Variants in TRA2B observed in about 807,000 individuals in gnomAD.
TRA2B encodes the protein transformer 2 beta homolog, also known as transformer-2 protein homolog beta.
Under a neutral mutation model 41.7 loss-of-function variants are expected in TRA2B, and 14 were observed. The observed-to-expected ratio is 0.34, with a 90% CI of 0.22 to 0.53. TRA2B has a LOEUF of 0.53. TRA2B is among the 20% of genes least tolerant of loss of function. The probability of loss-of-function intolerance (pLI) is 0.95; values close to 1 mark genes in which losing one functional copy is unlikely to be tolerated. For missense variants in TRA2B, 167 were observed against 396.8 expected (o/e 0.42, Z 4.92); for synonymous variants, 130 against 128.8 (o/e 1.01, Z -0.06).
chr3:185,937,968 C>T lies in TRA2B; in HGVS notation c.-108G>A, dbSNP rs1488904472. ...AGCCCCGCACGACGCGCCGGTCGCC[C>T]AGCCGCTCAGAGCCGAAATGCTCCG... On this transcript the variant is annotated 5_prime_UTR_variant, in exon 1 of 9. Transcript: ENST00000453386. The T allele has an allele frequency of 1.4e-6, 2 of 1,387,504 alleles. No homozygotes were observed. Among genetic ancestry groups the T allele is most frequent in the Admixed American group, 1.9e-5 (1 of 53,554 alleles). 85.9% of individuals were successfully genotyped at this position (1,387,504 alleles called of 1,614,324 possible).
At chr3:185,937,449 C>T in intron 1 of TRA2B, 1 of 1,043,040 alleles carries the variant, frequency 9.6e-7, no homozygotes, top group Non-Finnish European at 1.2e-6. Flanking sequence ...GGCAGCTCGC[C>T]CAGCCCGCCA....
intron 2 of TRA2B, 106 bp downstream of exon 2, chr3:185,926,494 TA>T (rs1743958703): frequency 6.9e-7 from 1 of 1,451,938 alleles, no homozygotes; most frequent in Non-Finnish European, 9.4e-7. Context: ...TACCAATATT[TA>T]ATAGGCCAAC....
At position 185,920,688 on chromosome 3, in the gene TRA2B, C is replaced by T. The variant is rs773004284; in HGVS notation, c.722+416G>A. Among the ~76,000 whole-genome samples the T allele has an allele frequency of 2.1e-4, 32 of 152,076 alleles. 1 individual carries two copies. The highest frequency in any genetic ancestry group is 1.5e-3 in the South Asian group (7 of 4,824). ...ACCTGCCAGTAGCTGGGACTACAGG[C>T]GTGCACCACCACAACCGGCTAAATT... On this transcript the variant is annotated intron_variant, in intron 6 of 8. Transcript: ENST00000453386.
chr3:185,916,928 A>G lies in TRA2B; in HGVS notation c.*787T>C, dbSNP rs1246005023. 2 of 152,660 alleles carry G rather than the reference A, an allele frequency of 1.3e-5. No individual in the cohort carries two copies. Among genetic ancestry groups the G allele is most frequent in the African/African-American group, 2.4e-5 (1 of 41,468 alleles). The allele number at this position is 152,660 out of a possible 1,614,324, so 9.5% of individuals were successfully genotyped here. ...ACTTTGAAGCACCCGGTTTTTTCAT[A>G]TAGTCTAAAAGCTAGAAGAACAAGA... On this transcript the variant is annotated 3_prime_UTR_variant, in exon 9 of 9. Transcript: ENST00000453386.
chr3:185,914,860 G>C lies in TRA2B; in HGVS notation c.*2855C>G, dbSNP rs1266273022. ...CCAAATCTTTTTATTTCTTCTCGGT[G>C]AAACTTCTAATTCTCAATTTCTCCT... On this transcript the variant is annotated 3_prime_UTR_variant, in exon 9 of 9. Transcript: ENST00000453386. Among the ~76,000 whole-genome samples the C allele has an allele frequency of 6.6e-6, 1 of 152,072 alleles. No homozygotes were observed. The highest frequency in any genetic ancestry group is 1.5e-5 in the Non-Finnish European group (1 of 68,024).
chr3:185,915,173 G>C lies in TRA2B; in HGVS notation c.*2542C>G, dbSNP rs1316417049. On this transcript the variant is annotated 3_prime_UTR_variant, in exon 9 of 9. Coordinates refer to ENST00000453386, the MANE Select transcript of TRA2B (RefSeq NM_004593.3). ...AGGAGATCGGAAACCCCTGCTCCCA[G>C]GTCTACAAATCTTTTGACACAGCCT... Among the ~76,000 whole-genome samples the C allele has an allele frequency of 6.6e-6, 1 of 152,112 alleles. No homozygotes were observed. The highest frequency in any genetic ancestry group is 1.5e-5 in the Non-Finnish European group (1 of 68,014).
In TRA2B at chr3:185,926,715, C is replaced by T; in HGVS notation, c.56G>A (p.Arg19Lys). ...YGERESRSAS[R>K]SGSAHGSGKS... Reference sequence around the variant, plus strand: ...CCCCGATCCGTGAGCACTTCCACTTCTGGAAGCAGAACGGGATTCCTACAC... The same window carrying T: ...CCCCGATCCGTGAGCACTTCCACTTTTGGAAGCAGAACGGGATTCCTACAC... The change falls in exon 2 of 9, where the codon AGA (arginine) becomes AAA (lysine). Residue 19 changes from arginine to lysine, a missense_variant. Transcript: ENST00000453386. The T allele has an allele frequency of 6.2e-7, 1 of 1,614,090 alleles. No homozygotes were observed. Among genetic ancestry groups the T allele is most frequent in the South Asian group, 1.1e-5 (1 of 91,078 alleles).
Position 185,937,919 on chromosome 3 carries a change from C to T in TRA2B, c.-59G>A, listed in dbSNP as rs1403890074. 6.2e-7 allele frequency: 1 copy of T among 1,607,466 alleles called. No individual in the cohort carries two copies. Among genetic ancestry groups the T allele is most frequent in the Non-Finnish European group, 8.5e-7 (1 of 1,176,584 alleles). On this transcript the variant is annotated 5_prime_UTR_variant, in exon 1 of 9. It adds an upstream start codon to the 5' untranslated region. Transcript: ENST00000453386. ...CAATCGAAGCTGCCAACCTCTTGCA[C>T]CTTCCTTAAGGAGGCTCCGCCGCAG...
chr3:185,918,725 T>C (rs1260002422), intron 7 of TRA2B, among the ~76,000 whole-genome samples: 1 of 152,168 alleles, frequency 6.6e-6, no homozygotes, highest in Admixed American at 6.5e-5. Context: ...AGAAAATTCC[T>C]GGCTGGGTGC....
At chr3:185,929,832 C>A (rs1247873261) in intron 1 of TRA2B, among the ~76,000 whole-genome samples, 1 of 152,166 alleles carries the variant, frequency 6.6e-6, no homozygotes, top group Non-Finnish European at 1.5e-5. Flanking sequence ...ACTTAGTCAA[C>A]CTCAGAAGTT....
intron 4 of TRA2B, 72 bp downstream of exon 4, chr3:185,923,724 A>G: frequency 2.1e-6 from 3 of 1,400,236 alleles, no homozygotes; most frequent in Non-Finnish European, 2.9e-6. Context: ...TCCTTATCCT[A>G]GCAATTGGTC....
chr3:185,918,935 C>T (rs754103713), intron 7 of TRA2B, among the ~76,000 whole-genome samples: 4 of 152,124 alleles, frequency 2.6e-5, no homozygotes, highest in Non-Finnish European at 5.9e-5. Flanking sequence ...AATTGCTCCA[C>T]TGTACTCCAG....
chr3:185,921,028 G>A (rs1743713849), intron 6 of TRA2B, 76 bp downstream of exon 6: 3 of 1,298,526 alleles, frequency 2.3e-6, no homozygotes, highest in Non-Finnish European at 2.2e-6. Flanking sequence ...TTTAACAAAG[G>A]CTAAAACTTA....
chr3:185,922,969 T>C (rs927341446), intron 4 of TRA2B: 4 of 152,204 alleles, frequency 2.6e-5, no homozygotes, highest in Admixed American at 6.5e-5. Context: ...GCTATGATCC[T>C]ACTGCAAAAA....
chr3:185,921,792 CAACA>C (rs1287682209), intron 5 of TRA2B, among the ~76,000 whole-genome samples: 1 of 151,994 alleles, frequency 6.6e-6, no homozygotes, highest in Admixed American at 6.6e-5. Context: ...AACCAAACAA[CAACA>C]AACAAAAAAT....
chr3:185,926,998 G>A (rs1297045523), intron 1 of TRA2B: 1 of 376,434 alleles, frequency 2.7e-6, no homozygotes, highest in South Asian at 2.7e-5. Flanking sequence ...GGGTGCCAAA[G>A]TCAAGCAGTT....
chr3:185,927,719 AG>A (rs2150116173), intron 1 of TRA2B: 1 of 152,354 alleles, frequency 6.6e-6, no homozygotes, highest in East Asian at 1.9e-4. Context: ...AATGGTAACC[AG>A]GATAACTAGG....
At chr3:185,920,232 C>G (rs547621635) in intron 6 of TRA2B, among the ~76,000 whole-genome samples, 75 of 152,164 alleles carry the variant, frequency 4.9e-4, no homozygotes, top group Non-Finnish European at 4.4e-4. Flanking sequence ...CCTCAGTGTA[C>G]GATGCATGCA....
At position 185,936,523 on chromosome 3, in the gene TRA2B, A is replaced by C. The variant is rs896976398; in HGVS notation, c.36+1302T>G. The C allele has an allele frequency of 7.0e-5, 69 of 985,492 alleles. No homozygotes were observed. In the African/African-American group the frequency reaches 1.1e-3, roughly 16 times the overall value. 61.0% of individuals were successfully genotyped at this position (985,492 alleles called of 1,614,324 possible). On this transcript the variant is annotated intron_variant, in intron 1 of 8. Coordinates refer to ENST00000453386, the MANE Select transcript of TRA2B (RefSeq NM_004593.3). ...AAATTACGCAGGAAACTCACGCTTC[A>C]TCACTGAAAATTTCTTCCTAAAATA...
Sources: gnomAD v4.1 joint callset for allele counts (sites outside exome capture counted in the v4.1 genomes callset) on GRCh38, gnomAD v4.1.1 for gene constraint, MANE v1.5 for transcripts, NCBI Gene and HGNC (gene_info 2026-07-23, HGNC 2026-07-21) for gene names.